AHNAK: variants seen among roughly 807,000 people sequenced by gnomAD.
AHNAK encodes neuroblast differentiation-associated protein AHNAK.
In AHNAK, 23 loss-of-function variants were observed where a neutral mutation model predicts 37.8. The observed-to-expected ratio is 0.61, with a 90% CI of 0.44 to 0.86. The LOEUF (loss-of-function observed/expected upper bound fraction) is 0.86. AHNAK is among the 40% of genes least tolerant of loss of function. The pLI, the probability that AHNAK is intolerant of heterozygous loss-of-function variation, is 0.00. For synonymous variants in AHNAK, 2,481 were observed against 2,636.3 expected (o/e 0.94, Z 1.80); for missense variants, 7,411 against 7,319.4 (o/e 1.01, Z -0.46).
chr11:62,438,590 A>G (rs907769262), intron 5 of AHNAK, among the ~76,000 whole-genome samples: 1 of 152,146 alleles, frequency 6.6e-6, no homozygotes, highest in Non-Finnish European at 1.5e-5. Context: ...GCAGATATAT[A>G]TCTTCTCCAG....
At position 62,519,774 on chromosome 11, in the gene AHNAK, T is replaced by A. The variant is rs766512724; in HGVS notation, c.14643A>T (p.Pro4881=). ...VPKVEGTLKG[P]EVDLKGPRLD... ...GACGTGGACCTTTAAGATCTACTTC[T>A]GGGCCTTTCAAAGTCCCTTCAACCT... The change falls in exon 5 of 5, where the codon CCA becomes CCT. Residue 4881 remains proline (P), a synonymous_variant. Transcript: ENST00000378024. 2 of 1,613,384 alleles carry A rather than the reference T, an allele frequency of 1.2e-6. No individual in the cohort carries two copies. The highest frequency in any genetic ancestry group is 2.2e-5 in the South Asian group (2 of 90,994).
chr11:62,541,777 C>T (rs1185197739), intron 1 of AHNAK: 2 of 152,060 alleles, frequency 1.3e-5, no homozygotes, highest in East Asian at 1.9e-4. Context: ...GATGACTTGC[C>T]CAAGTGTGAG....
chr11:62,531,033 C>G lies in AHNAK; in HGVS notation c.3384G>C (p.Lys1128Asn). 6.2e-7 allele frequency: 1 copy of G among 1,613,932 alleles called. No homozygotes were observed. The highest frequency in any genetic ancestry group is 8.5e-7 in the Non-Finnish European group (1 of 1,179,968). Residue 1128 changes from lysine (K) to asparagine (N), a missense_variant, in exon 5 of 5, where the codon AAG becomes AAC. By Grantham distance (94) the Lys-to-Asn change is moderately conservative. Transcript: ENST00000378024. The part of the protein sequence containing the change: ...QGLDWSLKIP[K>N]MKMPKFSMPS... ...GCATGCTGAACTTGGGCATTTTCAT[C>G]TTGGGTATTTTCAGGCTCCAGTCCA...
intron 5 of AHNAK, among the ~76,000 whole-genome samples, chr11:62,456,404 T>TAA (rs1938659320): frequency 6.6e-6 from 1 of 152,228 alleles, no homozygotes; most frequent in Non-Finnish European, 1.5e-5. Flanking sequence ...GTTTGCACGC[T>TAA]TATTTCATTC....
At chr11:62,448,045 C>A (rs951846279) in intron 5 of AHNAK, among the ~76,000 whole-genome samples, 1 of 151,962 alleles carries the variant, frequency 6.6e-6, no homozygotes, top group African/African-American at 2.4e-5. Context: ...TGGGAAGGAG[C>A]CAGCCACGCA....
chr11:62,532,721 T>G lies in AHNAK; in HGVS notation c.1696A>C (p.Thr566Pro), dbSNP rs999324695. The G allele has an allele frequency of 3.7e-6, 6 of 1,613,992 alleles. No individual in the cohort carries two copies. The highest frequency in any genetic ancestry group is 1.7e-5 in the Admixed American group (1 of 59,998). The change falls in exon 5 of 5, where the codon ACC becomes CCC. Residue 566 changes from threonine (T) to proline (P), a missense_variant. Thr to Pro is a conservative substitution (Grantham distance 38). Transcript: ENST00000378024. ...ACTTCTGACATAGAGATCCTACAGG[T>G]TCCGGTTTTCCCGGAAGGACTGCCA... is the stretch of plus-strand genomic sequence containing the variant. ...RLGSPSGKTGTCRISMSEVDL... is the reference protein window; with the variant it reads ...RLGSPSGKTGPCRISMSEVDL...
intron 5 of AHNAK, among the ~76,000 whole-genome samples, chr11:62,466,043 GGT>G (rs1436333049): frequency 2.0e-5 from 3 of 152,164 alleles, no homozygotes; most frequent in African/African-American, 7.2e-5. Context: ...GCCTGGGCCG[GGT>G]GTGGTGGCTC....
Position 62,532,723 on chromosome 11 carries a change from C to T in AHNAK, c.1694G>A (p.Gly565Glu). The change falls in exon 5 of 5, where the codon GGA becomes GAA. Residue 565 changes from glycine (G) to glutamate (E), a missense_variant. Coordinates refer to ENST00000378024, the MANE Select transcript of AHNAK (RefSeq NM_001620.3). ...PRLGSPSGKTGTCRISMSEVD... is the reference protein window; with the variant it reads ...PRLGSPSGKTETCRISMSEVD... The stretch of plus-strand genomic sequence containing the variant: ...TTCTGACATAGAGATCCTACAGGTT[C>T]CGGTTTTCCCGGAAGGACTGCCAAG... 1.9e-6 allele frequency: 3 copies of T among 1,613,944 alleles called. No homozygotes were observed. Among genetic ancestry groups the T allele is most frequent in the Non-Finnish European group, 2.5e-6 (3 of 1,179,980 alleles).
chr11:62,456,902 A>G (rs1382572829), intron 5 of AHNAK, among the ~76,000 whole-genome samples: 10 of 152,140 alleles, frequency 6.6e-5, no homozygotes, highest in Admixed American at 6.5e-4. Context: ...GAGCCCAGGG[A>G]ACAAACAAGC....
At chr11:62,514,390 C>T (rs989829419), downstream of AHNAK, among the ~76,000 whole-genome samples, 1 of 152,178 alleles carries the variant, frequency 6.6e-6, no homozygotes, top group East Asian at 1.9e-4. Context: ...CAGCCCCAGG[C>T]CCAGTTAGGA....
At chr11:62,545,043 G>A (rs1941262932) in intron 1 of AHNAK, among the ~76,000 whole-genome samples, 1 of 152,214 alleles carries the variant, frequency 6.6e-6, no homozygotes, top group Non-Finnish European at 1.5e-5. Context: ...TGGAGACACA[G>A]AGGTAGATAT....
rs1224970984 is a variant in AHNAK at position 62,517,967 on chromosome 11, C to T, written c.16450G>A (p.Gly5484Ser). 1.9e-6 allele frequency: 3 copies of T among 1,614,052 alleles called. No individual in the cohort carries two copies. The highest frequency in any genetic ancestry group is 1.7e-5 in the Admixed American group (1 of 59,992). The change falls in exon 5 of 5, where the codon GGT becomes AGT. Residue 5484 changes from glycine to serine, a missense_variant. By Grantham distance (56) the Gly-to-Ser change is moderately conservative. Transcript: ENST00000378024. ...PTVGGGLPGIGVQGLEGNLQM... is the reference protein window; with the variant it reads ...PTVGGGLPGISVQGLEGNLQM... Reference sequence around the variant, plus strand: ...AGGTTTCCTTCTAGGCCTTGAACACCAATGCCTGGAAGACCTCCTCCGACA... The same window carrying T: ...AGGTTTCCTTCTAGGCCTTGAACACTAATGCCTGGAAGACCTCCTCCGACA...
intron 1 of AHNAK, among the ~76,000 whole-genome samples, chr11:62,544,550 C>A (rs1941244617): frequency 6.6e-6 from 1 of 152,148 alleles, no homozygotes; most frequent in Admixed American, 6.5e-5. Context: ...TCCACTCTTA[C>A]CCTCCCTAGC....
intron 5 of AHNAK, among the ~76,000 whole-genome samples, chr11:62,458,712 C>G (rs1393122615): frequency 6.6e-6 from 1 of 152,066 alleles, no homozygotes; most frequent in South Asian, 2.1e-4. Flanking sequence ...TCTGTTTCCT[C>G]CACTGCTCCC....
chr11:62,491,748 G>T, exon 5 of AHNAK: 3 of 1,611,698 alleles, frequency 1.9e-6, no homozygotes, highest in Non-Finnish European at 2.5e-6. Flanking sequence ...TTGGGGTGGA[G>T]ACTGAAACTG....
Position 62,535,102 on chromosome 11 carries a change from C to A in AHNAK, c.243G>T (p.Thr81=), listed in dbSNP as rs376663561. The change falls in exon 4 of 5, where the codon ACG becomes ACT. Residue 81 remains threonine, a synonymous_variant. Coordinates refer to ENST00000378024, the MANE Select transcript of AHNAK (RefSeq NM_001620.3). ...TQLLNTMGHH[T]VGLKLHRKGD... ...CCTTGCGGTGCAGCTTCAGGCCCAC[C>A]GTGTGGTGCCCCATGGTGTTCAGCA... 1 of 1,613,916 alleles carries A rather than the reference C, an allele frequency of 6.2e-7. No homozygotes were observed. The highest frequency in any genetic ancestry group is 1.3e-5 in the African/African-American group (1 of 74,908).
intron 5 of AHNAK, among the ~76,000 whole-genome samples, chr11:62,471,670 A>C (rs1384727211): frequency 6.6e-6 from 1 of 152,116 alleles, no homozygotes; most frequent in Non-Finnish European, 1.5e-5. Context: ...TACATGTTGC[A>C]AATGGGGAAG....
chr11:62,527,493 C>T lies in AHNAK; in HGVS notation c.6924G>A (p.Lys2308=), dbSNP rs773749984. ...PKFKMPEMHF[K]TPKISMPDVD... ...CATCAGGCATGGAGATCTTGGGGGT[C>T]TTGAAGTGCATCTCAGGCATCTTAA... is the stretch of plus-strand genomic sequence containing the variant. Residue 2308 remains lysine (K), a synonymous_variant, in exon 5 of 5, where the codon AAG becomes AAA. Transcript: ENST00000378024. 2.5e-6 allele frequency: 4 copies of T among 1,614,030 alleles called. No individual in the cohort carries two copies. Among genetic ancestry groups the T allele is most frequent in the Non-Finnish European group, 3.4e-6 (4 of 1,179,984 alleles).
intron 5 of AHNAK, among the ~76,000 whole-genome samples, chr11:62,461,636 C>T (rs1938790597): frequency 6.6e-6 from 1 of 152,042 alleles, no homozygotes; most frequent in South Asian, 2.1e-4. Flanking sequence ...ACCAGCCTGG[C>T]CAGCATACTG....
Sources: gnomAD v4.1 joint callset for allele counts (sites outside exome capture counted in the v4.1 genomes callset) on GRCh38, gnomAD v4.1.1 for gene constraint, MANE v1.5 for transcripts, NCBI Gene and HGNC (gene_info 2026-07-23, HGNC 2026-07-21) for gene names.